STPG2: variants seen among roughly 807,000 people sequenced by gnomAD.
STPG2 encodes sperm tail PG-rich repeat containing 2.
STPG2 carries 56 observed loss-of-function variants against 54.2 expected under a neutral mutation model. That is an observed-to-expected ratio of 1.03 (90% CI 0.83 to 1.29). STPG2 has a LOEUF of 1.29. STPG2 is among the 50% of genes most tolerant of loss of function. The pLI, the probability that STPG2 is intolerant of heterozygous loss-of-function variation, is 0.00. For missense variants in STPG2, 596 were observed against 544.9 expected (o/e 1.09, Z -0.93); for synonymous variants, 200 against 181.8 (o/e 1.10, Z -0.81).
intron 10 of STPG2, among the ~76,000 whole-genome samples, chr4:97,613,789 T>C (rs1013559884): frequency 6.6e-6 from 1 of 152,122 alleles, no homozygotes; most frequent in Non-Finnish European, 1.5e-5. Context: ...TAGATGCTTC[T>C]ATCCTTTTGA....
chr4:98,006,973 A>G (rs1197223337), intron 5 of STPG2, among the ~76,000 whole-genome samples: 1 of 152,068 alleles, frequency 6.6e-6, no homozygotes, highest in East Asian at 1.9e-4. Flanking sequence ...GCATCTGGCA[A>G]CTGCCCCCCA....
At chr4:97,444,477 G>A (rs1028552656) in intron 4 of STPG2, among the ~76,000 whole-genome samples, 1 of 152,106 alleles carries the variant, frequency 6.6e-6, no homozygotes, top group African/African-American at 2.4e-5. Context: ...ACAATAGAAT[G>A]ACATTTTGTA....
At chr4:98,131,817 T>C (rs1740004957) in intron 2 of STPG2, among the ~76,000 whole-genome samples, 1 of 152,144 alleles carries the variant, frequency 6.6e-6, no homozygotes, top group African/African-American at 2.4e-5. Context: ...CCCACTTCTG[T>C]ATCTTCACTC....
intron 5 of STPG2, among the ~76,000 whole-genome samples, chr4:98,081,819 G>A (rs1738351637): frequency 1.3e-5 from 2 of 152,144 alleles, no homozygotes; most frequent in African/African-American, 2.4e-5. Flanking sequence ...AGACTGAGTA[G>A]GGATTAAAGC....
At chr4:97,474,744 A>G (rs1730030082) in intron 4 of STPG2, among the ~76,000 whole-genome samples, 1 of 151,938 alleles carries the variant, frequency 6.6e-6, no homozygotes, top group Admixed American at 6.6e-5. Flanking sequence ...TAGAAAAAAA[A>G]CCCCACAGAG....
At chr4:97,942,952 T>A (rs1733046955) in intron 8 of STPG2, among the ~76,000 whole-genome samples, 1 of 152,194 alleles carries the variant, frequency 6.6e-6, no homozygotes, top group Non-Finnish European at 1.5e-5. Flanking sequence ...AACATTTGTC[T>A]TTCTCTGTTT....
chr4:98,018,011 TTTTTA>T (rs1186384584), intron 5 of STPG2, among the ~76,000 whole-genome samples: 2 of 152,122 alleles, frequency 1.3e-5, no homozygotes, highest in East Asian at 1.9e-4. Context: ...TTCTTTTTCT[TTTTTA>T]TTTTATTTTA....
chr4:97,456,902 AAAAG>A (rs1729539653), intron 4 of STPG2, among the ~76,000 whole-genome samples: 2 of 150,540 alleles, frequency 1.3e-5, no homozygotes, highest in African/African-American at 4.9e-5. Context: ...AAAAAAAAAA[AAAAG>A]AAAATTAAAA....
intron 5 of STPG2, among the ~76,000 whole-genome samples, chr4:98,104,887 C>T (rs1739144547): frequency 6.6e-6 from 1 of 152,046 alleles, no homozygotes; most frequent in South Asian, 2.1e-4. Context: ...CCATCTACTC[C>T]CCAACACCCC....
intron 4 of STPG2, among the ~76,000 whole-genome samples, chr4:97,484,570 A>T (rs994217859): frequency 2.0e-5 from 3 of 151,756 alleles, no homozygotes; most frequent in African/African-American, 7.3e-5. Context: ...ATGCTGATTT[A>T]AAAATTACCA....
At chr4:98,008,781 G>A (rs1282314866) in intron 5 of STPG2, among the ~76,000 whole-genome samples, 1 of 151,920 alleles carries the variant, frequency 6.6e-6, no homozygotes, top group Non-Finnish European at 1.5e-5. Context: ...TTAAATTGGT[G>A]GAGTGAATTA....
intron 10 of STPG2, among the ~76,000 whole-genome samples, chr4:97,651,916 TA>T (rs1420278107): frequency 6.6e-6 from 1 of 151,994 alleles, no homozygotes; most frequent in Non-Finnish European, 1.5e-5. Context: ...TAATTCCTAG[TA>T]AATTCATGGA....
chr4:97,580,760 G>GT (rs1255077745), intron 10 of STPG2, among the ~76,000 whole-genome samples: 1 of 151,924 alleles, frequency 6.6e-6, no homozygotes, highest in African/African-American at 2.4e-5. Context: ...TGTGGGTTGG[G>GT]TCAGTTAACA....
rs1249832205 is a variant in STPG2, at chr4:97,840,773, C to T, written c.1204G>A (p.Gly402Ser). 6.8e-6 allele frequency: 11 copies of T among 1,609,614 alleles called. No homozygotes were observed. The highest frequency in any genetic ancestry group is 8.5e-6 in the Non-Finnish European group (10 of 1,177,534). ...GCTTTATAAGGACTTCTAGACTTACCTGGCCCATCAGTCACTTTTTCTAGG... is the reference window on the plus strand; with the variant it reads ...GCTTTATAAGGACTTCTAGACTTACTTGGCCCATCAGTCACTTTTTCTAGG... Reference protein sequence around the residue: ...RCLEKVTDGPGPAAYNPVLRK... With the variant: ...RCLEKVTDGPSPAAYNPVLRK... The change falls in exon 9 of 11, where the codon GGT becomes AGT. Residue 402 changes from glycine to serine, a missense_variant and splice_region_variant. Transcript: ENST00000295268.
At chr4:97,446,605 G>A (rs1729227777) in intron 4 of STPG2, among the ~76,000 whole-genome samples, 1 of 152,162 alleles carries the variant, frequency 6.6e-6, no homozygotes, top group African/African-American at 2.4e-5. Flanking sequence ...CCAGGTGGGA[G>A]GTGATTGGAT....
At chr4:97,469,943 G>C (rs1729881566) in intron 4 of STPG2, among the ~76,000 whole-genome samples, 1 of 152,052 alleles carries the variant, frequency 6.6e-6, no homozygotes, top group Non-Finnish European at 1.5e-5. Flanking sequence ...GACAATTAAA[G>C]AGATTTTAAT....
chr4:97,444,736 ATAACT>A (rs1729176145), intron 4 of STPG2, among the ~76,000 whole-genome samples: 2 of 152,274 alleles, frequency 1.3e-5, no homozygotes, highest in South Asian at 2.1e-4. Context: ...CAAAATAAAA[ATAACT>A]TAAGTAGGCT....
At chr4:98,127,634 G>C (rs10000573) in intron 3 of STPG2, among the ~76,000 whole-genome samples, 60,103 of 151,978 alleles carry the variant, frequency 0.4, 12,130 homozygotes, top group Middle Eastern at 0.46. Flanking sequence ...TAGGTTCGAA[G>C]TACTATGTAT....
chr4:97,458,799 A>G (rs1487701029), intron 4 of STPG2, among the ~76,000 whole-genome samples: 4 of 152,194 alleles, frequency 2.6e-5, no homozygotes, highest in Non-Finnish European at 5.9e-5. Flanking sequence ...ATCATACCAA[A>G]TAGCTTCAAA....
Sources: allele counts gnomAD v4.1 joint callset (sites outside exome capture counted in the v4.1 genomes callset), GRCh38; gene constraint gnomAD v4.1.1; transcripts MANE v1.5; gene names NCBI Gene and HGNC (gene_info 2026-07-23, HGNC 2026-07-21).